CNBD1: variants seen among roughly 807,000 people sequenced by gnomAD.
The protein encoded by CNBD1 is cyclic nucleotide binding domain containing 1.
Under a neutral mutation model 54.4 loss-of-function variants are expected in CNBD1, and 71 were observed. The ratio of observed to expected loss-of-function variants is 1.30; its 90% CI spans 1.08 to 1.59. The LOEUF is 1.59. Among genes scored for constraint, CNBD1 ranks in the 40% most tolerant of loss-of-function variants. The pLI is 0.00. For synonymous variants in CNBD1, 182 were observed against 170.7 expected, an observed-to-expected ratio of 1.07 and a Z score of -0.51; for missense variants, 659 against 518.0, an observed-to-expected ratio of 1.27 and a Z score of -2.64.
Position 86,962,260 on chromosome 8 carries a change from A to G in CNBD1, c.431+22506A>G, listed in dbSNP as rs560197647. Among the ~76,000 whole-genome samples the G allele has an allele frequency of 2.6e-5, 4 of 152,326 alleles. No individual in the cohort carries two copies. In the South Asian group the frequency reaches 8.3e-4, roughly 32 times the overall value. On this transcript the variant is annotated intron_variant, in intron 4 of 10. Coordinates refer to ENST00000518476, the MANE Select transcript of CNBD1 (RefSeq NM_173538.3). ...TCGACTGATAAAACCTTTTTCCAGAAAAAGAAGATCCATGAGAAAAGACAT... is the reference window on the plus strand; with the variant it reads ...TCGACTGATAAAACCTTTTTCCAGAGAAAGAAGATCCATGAGAAAAGACAT...
rs184947236 is a variant in CNBD1, at chr8:87,352,247, G to A, written c.1152+453G>A. Among the ~76,000 whole-genome samples the A allele has an allele frequency of 1.7e-3, 261 of 152,190 alleles. 1 individual carries two copies. Among genetic ancestry groups the A allele is most frequent in the South Asian group, 4.8e-3 (23 of 4,830 alleles). On this transcript the variant is annotated intron_variant, in intron 9 of 10. Transcript: ENST00000518476. ...TGTAATCCCAGCACTTTGAGAGGCC[G>A]AGGCGGGCGGATCACGAGATCAGGA...
chr8:86,986,980 T>C (rs1808623334), intron 4 of CNBD1, among the ~76,000 whole-genome samples: 1 of 152,192 alleles, frequency 6.6e-6, no homozygotes, highest in Non-Finnish European at 1.5e-5. Context: ...TAGGATTGCT[T>C]TGGCTATTCC....
intron 2 of CNBD1, among the ~76,000 whole-genome samples, chr8:87,421,337 A>G (rs1452211082): frequency 6.6e-6 from 1 of 151,278 alleles, no homozygotes; most frequent in Non-Finnish European, 1.5e-5. Flanking sequence ...GGTTAGTTAC[A>G]TAGGTATACA....
chr8:87,362,172 C>T (rs1239746583), intron 10 of CNBD1, among the ~76,000 whole-genome samples: 5 of 152,088 alleles, frequency 3.3e-5, no homozygotes, highest in Admixed American at 3.3e-4. Flanking sequence ...GGAATGTCCA[C>T]TGCAATGCCT....
At chr8:87,321,875 C>T (rs1158154930) in intron 8 of CNBD1, among the ~76,000 whole-genome samples, 2 of 148,160 alleles carry the variant, frequency 1.3e-5, no homozygotes. Context: ...CATATGTATA[C>T]ATGTGCCATG....
At chr8:86,906,771 G>T (rs962572527) in intron 3 of CNBD1, among the ~76,000 whole-genome samples, 1 of 152,114 alleles carries the variant, frequency 6.6e-6, no homozygotes, top group Admixed American at 6.5e-5. Context: ...AACTTTGAGA[G>T]GACTTCAGGG....
At chr8:87,168,692 T>C (rs1813022519) in intron 4 of CNBD1, among the ~76,000 whole-genome samples, 1 of 152,098 alleles carries the variant, frequency 6.6e-6, no homozygotes, top group Non-Finnish European at 1.5e-5. Flanking sequence ...AGTTTGTCTT[T>C]CTGTGCCTCC....
chr8:86,986,828 A>G (rs1418782579), intron 4 of CNBD1, among the ~76,000 whole-genome samples: 1 of 152,006 alleles, frequency 6.6e-6, no homozygotes, highest in Admixed American at 6.5e-5. Context: ...TTGTAGATGT[A>G]CAGCTATTTC....
At chr8:87,232,541 A>AT (rs1428771164) in intron 5 of CNBD1, among the ~76,000 whole-genome samples, 2 of 152,004 alleles carry the variant, frequency 1.3e-5, no homozygotes, top group Non-Finnish European at 2.9e-5. Context: ...GGTGATTCTT[A>AT]TTTTTTCTTG....
chr8:87,372,196 A>G (rs1163822030), intron 10 of CNBD1, among the ~76,000 whole-genome samples: 2 of 151,700 alleles, frequency 1.3e-5, no homozygotes, highest in Non-Finnish European at 2.9e-5. Flanking sequence ...CACCAATAAC[A>G]GACAAACAGA....
rs192225261 is a variant in CNBD1 at position 87,151,863 on chromosome 8, A to G, written c.432-54130A>G. On this transcript the variant is annotated intron_variant, in intron 4 of 10. Coordinates refer to ENST00000518476, the MANE Select transcript of CNBD1 (RefSeq NM_173538.3). The stretch of plus-strand genomic sequence containing the variant: ...TGGTCTATACTTCTTCATATTTTGT[A>G]CATTTTCATCAATGGGCATATTTTT... Among the ~76,000 whole-genome samples, 5 of 152,276 alleles carry G rather than the reference A, an allele frequency of 3.3e-5. No individual in the cohort carries two copies. In the East Asian group the frequency reaches 7.7e-4, roughly 23 times the overall value.
intron 4 of CNBD1, among the ~76,000 whole-genome samples, chr8:87,007,091 G>A (rs990387488): frequency 6.6e-6 from 1 of 152,000 alleles, no homozygotes; most frequent in Non-Finnish European, 1.5e-5. Context: ...TAGCTACTTG[G>A]GAGGCTGAGG....
chr8:87,246,494 G>T (rs916024407), intron 6 of CNBD1, among the ~76,000 whole-genome samples: 1 of 152,094 alleles, frequency 6.6e-6, no homozygotes, highest in Non-Finnish European at 1.5e-5. Context: ...TCAGTTAAGA[G>T]AGTTTTGGTT....
intron 8 of CNBD1, among the ~76,000 whole-genome samples, chr8:87,315,593 C>T (rs1050808029): frequency 1.4e-4 from 21 of 151,856 alleles, no homozygotes; most frequent in African/African-American, 3.9e-4. Flanking sequence ...CGCCTTACCC[C>T]GAAGGATGGC....
At chr8:87,338,731 T>G (rs370985507) in intron 8 of CNBD1, among the ~76,000 whole-genome samples, 6 of 152,242 alleles carry the variant, frequency 3.9e-5, no homozygotes, top group African/African-American at 1.4e-4. Context: ...TTTTTTGAGC[T>G]TCCTGGATCT....
chr8:87,422,126 G>GT (rs1194915123), intron 2 of CNBD1, among the ~76,000 whole-genome samples: 2 of 146,168 alleles, frequency 1.4e-5, no homozygotes, highest in African/African-American at 5.3e-5. Flanking sequence ...GGGGCTGTTT[G>GT]TTTTTTTCTT....
chr8:87,045,269 A>C (rs1810157694), intron 4 of CNBD1, among the ~76,000 whole-genome samples: 1 of 152,180 alleles, frequency 6.6e-6, no homozygotes, highest in Admixed American at 6.5e-5. Context: ...ACATACAAGA[A>C]AAAGAGGTCC....
chr8:87,155,793 A>G (rs556182045), intron 4 of CNBD1, among the ~76,000 whole-genome samples: 1 of 152,300 alleles, frequency 6.6e-6, no homozygotes, highest in African/African-American at 2.4e-5. Context: ...ACTCAATGTC[A>G]TGACATCAAT....
At chr8:87,247,295 GCTCTTTTCTGGT>G (rs1807825633) in intron 6 of CNBD1, among the ~76,000 whole-genome samples, 1 of 152,114 alleles carries the variant, frequency 6.6e-6, no homozygotes, top group Non-Finnish European at 1.5e-5. Flanking sequence ...CCAGTTAAGG[GCTCTTTTCTGGT>G]TTGGAAGTAA....
Sources: allele counts gnomAD v4.1 joint callset (sites outside exome capture counted in the v4.1 genomes callset), GRCh38; gene constraint gnomAD v4.1.1; transcripts MANE v1.5; gene names NCBI Gene and HGNC (gene_info 2026-07-23, HGNC 2026-07-21).